The following C11orf97 variants were observed in gnomAD, a reference collection of about 807,000 sequenced individuals.
C11orf97 encodes the protein uncharacterized protein C11orf97.
In C11orf97, 15 loss-of-function variants were observed where a neutral mutation model predicts 16.2. The ratio of observed to expected loss-of-function variants is 0.93; its 90% CI spans 0.62 to 1.43. The LOEUF (loss-of-function observed/expected upper bound fraction) is 1.43. Among genes scored for constraint, C11orf97 ranks in the 40% most tolerant of loss-of-function variants. C11orf97 has a pLI of 0.00. For missense variants in C11orf97, 171 were observed against 161.2 expected, an observed-to-expected ratio of 1.06 and a Z score of -0.33; for synonymous variants, 61 against 65.7, an observed-to-expected ratio of 0.93 and a Z score of 0.34.
chr11:94,529,778 C>G (rs951241888), intron 3 of C11orf97, among the ~76,000 whole-genome samples: 3 of 152,170 alleles, frequency 2.0e-5, no homozygotes, highest in Non-Finnish European at 2.9e-5. Context: ...GTACAAATGC[C>G]AGGGATATGG....
chr11:94,518,150 A>G (rs1947628011), intron 2 of C11orf97, among the ~76,000 whole-genome samples: 1 of 28,748 alleles, frequency 3.5e-5, no homozygotes, highest in South Asian at 5.7e-4. Flanking sequence ...TCCATATCAG[A>G]AAAAAAAAAA....
intron 2 of C11orf97, among the ~76,000 whole-genome samples, chr11:94,521,475 A>G (rs1300862780): frequency 6.6e-6 from 1 of 152,242 alleles, no homozygotes; most frequent in East Asian, 1.9e-4. Context: ...AGGCTAGGCG[A>G]AGCTATGATG....
chr11:94,522,651 G>C (rs1163342001), intron 2 of C11orf97, among the ~76,000 whole-genome samples: 1 of 152,160 alleles, frequency 6.6e-6, no homozygotes, highest in Non-Finnish European at 1.5e-5. Flanking sequence ...AATCCAGAGA[G>C]CCATCCTCTA....
chr11:94,521,652 A>G (rs562702122), intron 2 of C11orf97, among the ~76,000 whole-genome samples: 116 of 152,330 alleles, frequency 7.6e-4, no homozygotes, highest in African/African-American at 2.7e-3. Flanking sequence ...ATCTGAGGAT[A>G]GGGGCTTAAT....
intron 2 of C11orf97, among the ~76,000 whole-genome samples, chr11:94,521,811 C>G (rs570491199): frequency 6.6e-6 from 1 of 152,244 alleles, no homozygotes; most frequent in South Asian, 2.1e-4. Flanking sequence ...AGATCTGACC[C>G]CCAATCCCAT....
At chr11:94,516,119 C>G (rs2135177552) in intron 1 of C11orf97, among the ~76,000 whole-genome samples, 1 of 152,226 alleles carries the variant, frequency 6.6e-6, no homozygotes, top group East Asian at 1.9e-4. Flanking sequence ...TTTTTCATGT[C>G]TGAGGGTGTG....
chr11:94,517,820 T>G (rs1947623566), intron 2 of C11orf97, 133 bp downstream of exon 2: 1 of 617,312 alleles, frequency 1.6e-6, no homozygotes, highest in East Asian at 3.0e-5. Context: ...TAGTTTATAA[T>G]TAATTTGCTT....
intron 2 of C11orf97, 146 bp downstream of exon 2, chr11:94,517,833 G>A: frequency 5.1e-6 from 3 of 592,006 alleles, no homozygotes; most frequent in Non-Finnish European, 5.5e-6. Flanking sequence ...ATTTGCTTAT[G>A]TCCAAATAAA....
chr11:94,524,174 C>T (rs780322644), intron 2 of C11orf97, among the ~76,000 whole-genome samples: 1 of 152,080 alleles, frequency 6.6e-6, no homozygotes, highest in African/African-American at 2.4e-5. Context: ...TGCAAATAAT[C>T]TCTTTTAATT....
At chr11:94,513,240 C>T (rs1443413495) in intron 1 of C11orf97, among the ~76,000 whole-genome samples, 1 of 152,164 alleles carries the variant, frequency 6.6e-6, no homozygotes, top group Non-Finnish European at 1.5e-5. Context: ...TACATTTTAA[C>T]GCACTGTTCT....
intron 2 of C11orf97, among the ~76,000 whole-genome samples, chr11:94,517,893 T>C (rs887293245): frequency 6.6e-6 from 1 of 152,124 alleles, no homozygotes; most frequent in Non-Finnish European, 1.5e-5. Context: ...CTCACGCCTG[T>C]AATCCCAGCA....
At chr11:94,522,569 A>T (rs1428985515) in intron 2 of C11orf97, among the ~76,000 whole-genome samples, 1 of 151,710 alleles carries the variant, frequency 6.6e-6, no homozygotes, top group Non-Finnish European at 1.5e-5. Flanking sequence ...AACAATTGAC[A>T]CCTCTCCCCG....
chr11:94,531,412 C>T (rs952882302), intron 3 of C11orf97, among the ~76,000 whole-genome samples: 3 of 149,324 alleles, frequency 2.0e-5, no homozygotes, highest in African/African-American at 7.5e-5. Context: ...TCACTCCAGC[C>T]TGGGTGACAG....
At chr11:94,520,708 T>C (rs909347363) in intron 2 of C11orf97, among the ~76,000 whole-genome samples, 6 of 152,194 alleles carry the variant, frequency 3.9e-5, no homozygotes, top group African/African-American at 1.4e-4. Context: ...GCCAATCCTT[T>C]TGAATTCAGT....
chr11:94,530,963 A>G (rs1262559569), intron 3 of C11orf97, among the ~76,000 whole-genome samples: 1 of 152,174 alleles, frequency 6.6e-6, no homozygotes, highest in Non-Finnish European at 1.5e-5. Flanking sequence ...GTCAAATCCC[A>G]CTGTCAATTT....
At chr11:94,523,777 C>T (rs1947677914) in intron 2 of C11orf97, among the ~76,000 whole-genome samples, 1 of 152,204 alleles carries the variant, frequency 6.6e-6, no homozygotes, top group Admixed American at 6.5e-5. Context: ...AATAGTTGTT[C>T]AGACTGGGGC....
At chr11:94,524,584 C>T (rs1182954269) in intron 2 of C11orf97, among the ~76,000 whole-genome samples, 1 of 15,512 alleles carries the variant, frequency 6.4e-5, no homozygotes, top group African/African-American at 2.9e-4. Flanking sequence ...TAACCTCATC[C>T]TGAAAAAAAA....
chr11:94,523,246 G>A (rs549379486), intron 2 of C11orf97, among the ~76,000 whole-genome samples: 27 of 152,254 alleles, frequency 1.8e-4, no homozygotes, highest in African/African-American at 5.1e-4. Flanking sequence ...TTGGATAAAC[G>A]CTACATACTG....
chr11:94,519,644 ACTGT>A (rs1241791900), intron 2 of C11orf97, among the ~76,000 whole-genome samples: 5 of 152,346 alleles, frequency 3.3e-5, no homozygotes, highest in African/African-American at 1.2e-4. Flanking sequence ...TAAAATGAAG[ACTGT>A]CTGGGCTGCT....
Sources: gnomAD v4.1 joint callset for allele counts (sites outside exome capture counted in the v4.1 genomes callset) on GRCh38, gnomAD v4.1.1 for gene constraint, MANE v1.5 for transcripts, NCBI Gene and HGNC (gene_info 2026-07-23, HGNC 2026-07-21) for gene names.